Variants in APBA2 observed in about 807,000 individuals in gnomAD.
APBA2 encodes amyloid-beta A4 precursor protein-binding family A member 2.
Under a neutral mutation model 75.0 loss-of-function variants are expected in APBA2, and 30 were observed. That is an observed-to-expected ratio of 0.40 (90% CI 0.30 to 0.54). The LOEUF is 0.54. Ranked by LOEUF, APBA2 falls within the 20% of genes least tolerant of loss-of-function variation. The probability of loss-of-function intolerance (pLI) is 0.49; values close to 1 mark genes in which losing one functional copy is unlikely to be tolerated. For synonymous variants in APBA2, 444 were observed against 409.6 expected, an observed-to-expected ratio of 1.08 and a Z score of -1.01; for missense variants, 801 against 1,016.1, an observed-to-expected ratio of 0.79 and a Z score of 2.88.
chr15:28,892,105 C>T (rs1211258909), intron 1 of APBA2, among the ~76,000 whole-genome samples: 1 of 152,034 alleles, frequency 6.6e-6, no homozygotes. Context: ...GACGGAGTCT[C>T]GCCCTGTCAC....
chr15:29,003,137 T>C (rs2038936620), intron 3 of APBA2, among the ~76,000 whole-genome samples: 1 of 151,958 alleles, frequency 6.6e-6, no homozygotes, highest in Non-Finnish European at 1.5e-5. Flanking sequence ...AGGTCTTTGT[T>C]GGAGGGCTGA....
chr15:28,968,232 G>A (rs1421321223), intron 2 of APBA2, among the ~76,000 whole-genome samples: 1 of 152,222 alleles, frequency 6.6e-6, no homozygotes, highest in Admixed American at 6.5e-5. Context: ...TGTGAATAAT[G>A]TTGCTATGAG....
intron 1 of APBA2, among the ~76,000 whole-genome samples, chr15:28,899,492 C>G (rs2032719347): frequency 1.3e-5 from 2 of 152,260 alleles, no homozygotes; most frequent in Non-Finnish European, 2.9e-5. Flanking sequence ...TGAGCACAGC[C>G]ATGGCGTGGG....
At chr15:28,957,239 AT>A (rs2036219516) in intron 2 of APBA2, among the ~76,000 whole-genome samples, 2 of 128,168 alleles carry the variant, frequency 1.6e-5, no homozygotes, top group Non-Finnish European at 1.5e-5. Context: ...TGCCTGGCTA[AT>A]TTTTTTAAGT....
At chr15:28,987,225 A>G (rs1439002250) in intron 2 of APBA2, among the ~76,000 whole-genome samples, 1 of 152,256 alleles carries the variant, frequency 6.6e-6, no homozygotes, top group Non-Finnish European at 1.5e-5. Flanking sequence ...GAATACTACC[A>G]TATTGGTTAC....
At chr15:29,055,931 G>A (rs1256857645) in intron 4 of APBA2, among the ~76,000 whole-genome samples, 1 of 152,146 alleles carries the variant, frequency 6.6e-6, no homozygotes, top group African/African-American at 2.4e-5. Context: ...GTACTAGTGG[G>A]TGTTGGGAGA....
At chr15:29,006,195 G>A (rs2039106707) in intron 3 of APBA2, among the ~76,000 whole-genome samples, 1 of 152,194 alleles carries the variant, frequency 6.6e-6, no homozygotes, top group Non-Finnish European at 1.5e-5. Context: ...AGGCCTTAAA[G>A]ACTTCACACG....
At chr15:28,901,996 A>T (rs1416167124) in intron 1 of APBA2, among the ~76,000 whole-genome samples, 1 of 150,172 alleles carries the variant, frequency 6.7e-6, no homozygotes, top group East Asian at 2.0e-4. Context: ...ATGGGGCTCC[A>T]GCGAGGTATG....
chr15:29,002,685 T>C (rs2038911450), intron 3 of APBA2, among the ~76,000 whole-genome samples: 1 of 152,040 alleles, frequency 6.6e-6, no homozygotes, highest in Admixed American at 6.5e-5. Flanking sequence ...AGTGATTATG[T>C]TGAAAAACAG....
intron 1 of APBA2, among the ~76,000 whole-genome samples, chr15:28,891,587 A>C (rs1391595412): frequency 6.6e-6 from 1 of 152,166 alleles, no homozygotes; most frequent in East Asian, 1.9e-4. Context: ...GGTGGCTGAC[A>C]TGGTTGGTGG....
At chr15:28,979,192 C>T (rs543484527) in intron 2 of APBA2, among the ~76,000 whole-genome samples, 7 of 152,280 alleles carry the variant, frequency 4.6e-5, no homozygotes, top group African/African-American at 1.7e-4. Flanking sequence ...CCCCTCCCTT[C>T]TTCGTCCCCC....
At chr15:29,093,870 C>A (rs924774502) in intron 7 of APBA2, among the ~76,000 whole-genome samples, 1 of 152,200 alleles carries the variant, frequency 6.6e-6, no homozygotes, top group Non-Finnish European at 1.5e-5. Context: ...AGCAGAGAAG[C>A]ACCATGAGGC....
At chr15:29,024,434 G>A (rs369207250) in intron 3 of APBA2, among the ~76,000 whole-genome samples, 38 of 152,232 alleles carry the variant, frequency 2.5e-4, no homozygotes, top group African/African-American at 5.3e-4. Context: ...TGGTCACTGC[G>A]GAGACAGCAC....
chr15:28,995,586 G>T (rs186016632), intron 2 of APBA2, among the ~76,000 whole-genome samples, 167 bp from the exon 3 acceptor site: 2 of 152,108 alleles, frequency 1.3e-5, no homozygotes, highest in Non-Finnish European at 2.9e-5. Context: ...TTAATTATTT[G>T]TTTAGGGTAA....
At chr15:29,089,735 C>T (rs1021263631) in intron 6 of APBA2, among the ~76,000 whole-genome samples, 1 of 152,152 alleles carries the variant, frequency 6.6e-6, no homozygotes, top group African/African-American at 2.4e-5. Flanking sequence ...CCTGGAGCGC[C>T]TTATTCTTCT....
At chr15:29,049,080 C>T (rs1310319810) in intron 3 of APBA2, among the ~76,000 whole-genome samples, 1 of 152,038 alleles carries the variant, frequency 6.6e-6, no homozygotes, top group Non-Finnish European at 1.5e-5. Flanking sequence ...ACATGAGAAA[C>T]AGAATAGTCT....
intron 4 of APBA2, among the ~76,000 whole-genome samples, chr15:29,061,019 A>C (rs550470992): frequency 6.6e-6 from 1 of 152,160 alleles, no homozygotes; most frequent in South Asian, 2.1e-4. Flanking sequence ...TCCCTTGAAG[A>C]GAGTAGTTTG....
intron 1 of APBA2, among the ~76,000 whole-genome samples, chr15:28,894,586 G>A (rs1044918471): frequency 1.3e-5 from 2 of 152,198 alleles, no homozygotes; most frequent in African/African-American, 4.8e-5. Flanking sequence ...GCACAGGGGG[G>A]ACTATGTGGT....
At chr15:28,909,644 G>A (rs2033335993) in intron 1 of APBA2, among the ~76,000 whole-genome samples, 1 of 128,960 alleles carries the variant, frequency 7.8e-6, no homozygotes, top group African/African-American at 3.9e-5. Flanking sequence ...CTGGATGCTG[G>A]GCACAGGTGC....
Sources: gnomAD v4.1 joint callset for allele counts (sites outside exome capture counted in the v4.1 genomes callset) on GRCh38, gnomAD v4.1.1 for gene constraint, MANE v1.5 for transcripts, NCBI Gene and HGNC (gene_info 2026-07-23, HGNC 2026-07-21) for gene names.